The following MUC17 variants were observed in gnomAD, a reference collection of about 807,000 sequenced individuals.
MUC17 encodes mucin 17, cell surface associated.
Under a neutral mutation model 170.3 loss-of-function variants are expected in MUC17, and 190 were observed. That is an observed-to-expected ratio of 1.12 (90% CI 0.99 to 1.26). The LOEUF (loss-of-function observed/expected upper bound fraction) is 1.26. Among genes scored for constraint, MUC17 ranks in the 50% most tolerant of loss-of-function variants. MUC17 has a pLI of 0.00. For synonymous variants in MUC17, 2,325 were observed against 2,002.5 expected, an observed-to-expected ratio of 1.16 and a Z score of -4.30; for missense variants, 6,415 against 5,530.0, an observed-to-expected ratio of 1.16 and a Z score of -5.08.
At chr7:101,054,057 C>CAAAAAAAAAAAAA (rs58623975) in intron 11 of MUC17, among the ~76,000 whole-genome samples, 5 of 40,382 alleles carry the variant, frequency 1.2e-4, no homozygotes, top group Non-Finnish European at 1.3e-4. Flanking sequence ...AAGACCCTGT[C>CAAAAAAAAAAAAA]AAAAAAAAAA....
rs1264029266 is a variant in MUC17 at position 101,041,484 on chromosome 7, G to A, written c.10068G>A (p.Glu3356=). ...SFSTTPVVSS[E]ASTLSTTPVD... is the part of the protein sequence containing the mutation. ...GCACCACGCCAGTGGTCAGTTCTGA[G>A]GCTAGCACCCTTTCCACAACTCCTG... Residue 3356 remains glutamate, a synonymous_variant, in exon 3 of 13, where the codon GAG becomes GAA. Coordinates refer to ENST00000306151, the MANE Select transcript of MUC17 (RefSeq NM_001040105.2). The A allele has an allele frequency of 1.2e-6, 2 of 1,613,192 alleles. No individual in the cohort carries two copies. Among genetic ancestry groups the A allele is most frequent in the Non-Finnish European group, 1.7e-6 (2 of 1,179,878 alleles).
chr7:101,026,268 A>T (rs1281404433), intron 1 of MUC17, among the ~76,000 whole-genome samples: 2 of 152,250 alleles, frequency 1.3e-5, no homozygotes, highest in Non-Finnish European at 2.9e-5. Context: ...AGGCCCAGGC[A>T]GGGACAGGGG....
intron 1 of MUC17, among the ~76,000 whole-genome samples, chr7:101,028,529 A>G (rs950020368): frequency 1.3e-5 from 2 of 151,666 alleles, no homozygotes; most frequent in Non-Finnish European, 2.9e-5. Context: ...CTGTTTGTTT[A>G]TATACACATT....
chr7:101,020,993 G>A (rs1794066664), intron 1 of MUC17, among the ~76,000 whole-genome samples: 2 of 152,140 alleles, frequency 1.3e-5, no homozygotes. Flanking sequence ...ATAGACCTCA[G>A]GGTCCCTGCC....
At chr7:101,028,829 A>C (rs1450440516) in intron 1 of MUC17, among the ~76,000 whole-genome samples, 1 of 152,150 alleles carries the variant, frequency 6.6e-6, no homozygotes, top group Non-Finnish European at 1.5e-5. Context: ...TTGAGGTTGC[A>C]GTAAGCTATG....
chr7:101,048,755 A>G (rs1794884824), intron 4 of MUC17, 90 bp from the exon 5 acceptor site: 3 of 1,462,534 alleles, frequency 2.1e-6, no homozygotes, highest in African/African-American at 2.8e-5. Flanking sequence ...ATAAAATACA[A>G]TGGAGCTCAC....
chr7:101,047,893 T>C, intron 3 of MUC17, 91 bp from the exon 4 acceptor site: 1 of 1,417,562 alleles, frequency 7.1e-7, no homozygotes, highest in Non-Finnish European at 9.3e-7. Flanking sequence ...AGTGCTGTGC[T>C]CAACATGTAA....
chr7:101,051,752 C>G (rs751043649), intron 8 of MUC17, 51 bp from the exon 9 acceptor site: 2 of 1,602,458 alleles, frequency 1.2e-6, no homozygotes, highest in East Asian at 2.2e-5. Context: ...GGGACAGTGT[C>G]CCCCCAGCCC....
rs1362863119 is a variant in MUC17 at position 101,036,680 on chromosome 7, C to G, written c.5264C>G (p.Pro1755Arg). 1 of 1,613,260 alleles carries G rather than the reference C, an allele frequency of 6.2e-7. No homozygotes were observed. The highest frequency in any genetic ancestry group is 8.5e-7 in the Non-Finnish European group (1 of 1,179,768). The part of the protein sequence containing the change: ...SEGTTPLTSI[P>R]VSTTPVLSSE... ...GGAACCACTCCATTAACAAGTATAC[C>G]TGTCAGCACCACGCCGGTACTCAGT... Residue 1755 changes from proline to arginine, a missense_variant, in exon 3 of 13, where the codon CCT (proline) becomes CGT (arginine). Transcript: ENST00000306151.
chr7:101,048,722 C>A, intron 4 of MUC17, 123 bp from the exon 5 acceptor site: 1 of 1,053,054 alleles, frequency 9.5e-7, no homozygotes, highest in Non-Finnish European at 1.4e-6. Context: ...ATTTTGGATA[C>A]AAATTTGGCA....
rs1414770308 is a variant in MUC17 at position 101,037,682 on chromosome 7, G to A, written c.6266G>A (p.Gly2089Asp). The A allele has an allele frequency of 7.4e-6, 12 of 1,612,522 alleles. No homozygotes were observed. The highest frequency in any genetic ancestry group is 1.0e-5 in the Non-Finnish European group (12 of 1,179,680). Residue 2089 changes from glycine (G) to aspartate (D), a missense_variant, in exon 3 of 13, where the codon GGT becomes GAT. Gly to Asp is a moderately conservative substitution (Grantham distance 94). Coordinates refer to ENST00000306151, the MANE Select transcript of MUC17 (RefSeq NM_001040105.2). Reference protein sequence around the residue: ...TEASSSATAEGSSMTISAPSE... With the variant: ...TEASSSATAEDSSMTISAPSE... ...GCCAGTTCATCTGCAACCGCTGAAG[G>A]TAGCAGCATGACAATCTCAGCTCCT...
chr7:101,037,461 T>G lies in MUC17; in HGVS notation c.6045T>G (p.Pro2015=). 1 of 1,611,722 alleles carries G rather than the reference T, an allele frequency of 6.2e-7. No individual in the cohort carries two copies. Among genetic ancestry groups the G allele is most frequent in the Non-Finnish European group, 8.5e-7 (1 of 1,178,680 alleles). ...LSTTPVDTST[P]ATTSTEGSSS... ...CAACTCCTGTTGACACCAGCACTCC[T>G]GCCACCACTTCTACTGAAGGCAGTT... Residue 2015 remains proline, a synonymous_variant, in exon 3 of 13, where the codon CCT becomes CCG. Transcript: ENST00000306151.
intron 5 of MUC17, 117 bp downstream of exon 5, chr7:101,049,089 C>T: frequency 6.7e-7 from 1 of 1,495,658 alleles, no homozygotes; most frequent in Non-Finnish European, 9.1e-7. Flanking sequence ...TTCTCTCAGG[C>T]CCCCACGTCC....
At chr7:101,022,880 CT>C (rs2116385844) in intron 1 of MUC17, among the ~76,000 whole-genome samples, 1 of 152,238 alleles carries the variant, frequency 6.6e-6, no homozygotes, top group South Asian at 2.1e-4. Flanking sequence ...ACTAACTCTC[CT>C]TGCCTCAAAC....
Position 101,038,834 on chromosome 7 carries a change from C to T in MUC17, c.7418C>T (p.Ala2473Val), listed in dbSNP as rs544333769. 2.5e-6 allele frequency: 4 copies of T among 1,612,812 alleles called. No homozygotes were observed. Among genetic ancestry groups the T allele is most frequent in the Non-Finnish European group, 3.4e-6 (4 of 1,179,440 alleles). ...ACCACGCCGGTGGTCAGTTCTGAGG[C>T]TGGCACCCTTTCCACAACTCCTGTT... ...VSTTPVVSSE[A>V]GTLSTTPVDT... The change falls in exon 3 of 13, where the codon GCT (alanine) becomes GTT (valine). Residue 2473 changes from alanine to valine, a missense_variant. Ala to Val is a moderately conservative substitution (Grantham distance 64). Coordinates refer to ENST00000306151, the MANE Select transcript of MUC17 (RefSeq NM_001040105.2).
rs767903717 is a variant in MUC17, at chr7:101,037,062, T to G, written c.5646T>G (p.Ser1882=). 1 of 1,582,294 alleles carries G rather than the reference T, an allele frequency of 6.3e-7. No individual in the cohort carries two copies. Among genetic ancestry groups the G allele is most frequent in the Non-Finnish European group, 8.5e-7 (1 of 1,178,122 alleles). ...IPVSTTTVAS[S]ETNTLSTTPA... ...TCAGCACCACAACAGTGGCCAGTTCTGAAACCAACACCCTTTCAACAACTC... is the reference window on the plus strand; with the variant it reads ...TCAGCACCACAACAGTGGCCAGTTCGGAAACCAACACCCTTTCAACAACTC... The change falls in exon 3 of 13, where the codon TCT becomes TCG. Residue 1882 remains serine, a synonymous_variant. Coordinates refer to ENST00000306151, the MANE Select transcript of MUC17 (RefSeq NM_001040105.2).
At position 101,043,373 on chromosome 7, in the gene MUC17, C is replaced by G; in HGVS notation, c.11957C>G (p.Ser3986Ter). 6.2e-7 allele frequency: 1 copy of G among 1,614,160 alleles called. No homozygotes were observed. Among genetic ancestry groups the G allele is most frequent in the South Asian group, 1.1e-5 (1 of 91,082 alleles). ...AGTAGTAGTACCACCACATCTTTTT[C>G]AACTACTAAGGAATTTACAACACCC... Reference protein sequence around the residue: ...TSSSSTTTSFSTTKEFTTPAM... With the variant: ...TSSSSTTTSF Residue 3986 changes from serine (S) to a stop codon, truncating the protein, a stop_gained, in exon 3 of 13, where the codon TCA becomes TGA. Coordinates refer to ENST00000306151, the MANE Select transcript of MUC17 (RefSeq NM_001040105.2). LOFTEE classifies it high-confidence loss of function.
chr7:101,033,026 A>G lies in MUC17; in HGVS notation c.1610A>G (p.Asp537Gly), dbSNP rs369461386. The G allele has an allele frequency of 6.2e-7, 1 of 1,613,698 alleles. No homozygotes were observed. Among genetic ancestry groups the G allele is most frequent in the Non-Finnish European group, 8.5e-7 (1 of 1,179,982 alleles). Residue 537 changes from aspartate to glycine, a missense_variant, in exon 3 of 13, where the codon GAC (aspartate) becomes GGC (glycine). Transcript: ENST00000306151. ...AGCACCCTTTCAACAACTCCTGTTG[A>G]CACCAGCACACCTGTGACCACTTCT... is the stretch of plus-strand genomic sequence containing the variant. The part of the protein sequence containing the change: ...EASTLSTTPV[D>G]TSTPVTTSSE...
chr7:101,031,347 A>G (rs564010344), intron 2 of MUC17, 126 bp downstream of exon 2: 316 of 1,412,240 alleles, frequency 2.2e-4, no homozygotes, highest in Non-Finnish European at 2.8e-4. Flanking sequence ...ATCTGGGGCC[A>G]GGAATTACAA....
Sources: allele counts gnomAD v4.1 joint callset (sites outside exome capture counted in the v4.1 genomes callset), GRCh38; gene constraint gnomAD v4.1.1; transcripts MANE v1.5; gene names NCBI Gene and HGNC (gene_info 2026-07-23, HGNC 2026-07-21).